PLEKHA5: variants seen among roughly 807,000 people sequenced by gnomAD.
PLEKHA5 encodes the protein pleckstrin homology domain containing A5.
PLEKHA5 carries 55 observed loss-of-function variants against 181.9 expected under a neutral mutation model. That is an observed-to-expected ratio of 0.30 (90% CI 0.24 to 0.38). PLEKHA5 has a LOEUF of 0.38. Among genes scored for constraint, PLEKHA5 ranks in the 10% least tolerant of loss-of-function variants. The pLI is 1.00. For missense variants in PLEKHA5, 1,432 were observed against 1,549.5 expected, an observed-to-expected ratio of 0.92 and a Z score of 1.27; for synonymous variants, 535 against 529.4, an observed-to-expected ratio of 1.01 and a Z score of -0.15.
chr12:19,265,498 C>T (rs538014005), intron 7 of PLEKHA5, among the ~76,000 whole-genome samples: 14 of 152,204 alleles, frequency 9.2e-5, no homozygotes, highest in Middle Eastern at 3.4e-3. Flanking sequence ...TGGGTTAATG[C>T]CATTACTTAT....
chr12:19,255,366 A>G lies in PLEKHA5; in HGVS notation c.432+201A>G, dbSNP rs569107497. Among the ~76,000 whole-genome samples, 9 of 152,256 alleles carry G rather than the reference A, an allele frequency of 5.9e-5. No homozygotes were observed. The South Asian group carries it at 1.9e-3, about 32-fold the overall frequency. On this transcript the variant is annotated intron_variant, in intron 5 of 31. Transcript: ENST00000429027. ...AGTGACTTAAATTTTTAAATTTGGA[A>G]TAATTTTAGAAATACATTGATATTT...
intron 20 of PLEKHA5, among the ~76,000 whole-genome samples, chr12:19,323,531 A>G (rs893335162): frequency 6.6e-6 from 1 of 151,798 alleles, no homozygotes; most frequent in South Asian, 2.1e-4. Flanking sequence ...AAATATAAAT[A>G]GCAAGGCTGG....
intron 30 of PLEKHA5, 145 bp from the exon 31 acceptor site, chr12:19,369,548 G>GT (rs1555174995): frequency 1.8e-4 from 46 of 256,368 alleles, no homozygotes; most frequent in South Asian, 1.1e-3. Flanking sequence ...TATTTAAAAA[G>GT]AAAAAATCAC....
intron 3 of PLEKHA5, among the ~76,000 whole-genome samples, chr12:19,188,800 TTGTC>T (rs1403940571): frequency 6.6e-6 from 1 of 152,236 alleles, no homozygotes; most frequent in African/African-American, 2.4e-5. Flanking sequence ...TACCTTGTCA[TTGTC>T]TGTTTGCATT....
intron 11 of PLEKHA5, 32 bp downstream of exon 11, chr12:19,275,015 G>C (rs2074093000): frequency 6.9e-7 from 1 of 1,452,948 alleles, no homozygotes; most frequent in African/African-American, 1.4e-5. Flanking sequence ...ATGAACCCAG[G>C]TTTCTTTGAT....
At chr12:19,353,186 C>T (rs921998664) in intron 25 of PLEKHA5, among the ~76,000 whole-genome samples, 1 of 151,824 alleles carries the variant, frequency 6.6e-6, no homozygotes, top group Non-Finnish European at 1.5e-5. Context: ...ACAGAGTCTT[C>T]TCTGTCACCC....
intron 3 of PLEKHA5, among the ~76,000 whole-genome samples, chr12:19,248,485 C>T (rs150551178): frequency 9.7e-4 from 147 of 152,080 alleles, no homozygotes; most frequent in African/African-American, 3.4e-3. Flanking sequence ...GGCTTAATAC[C>T]ATATTTTTTA....
chr12:19,310,569 C>G (rs1338036163), intron 15 of PLEKHA5, among the ~76,000 whole-genome samples: 1 of 138,756 alleles, frequency 7.2e-6, no homozygotes. Context: ...AAAATGGTGC[C>G]ATTGCACTCC....
At chr12:19,292,642 G>A (rs898414433) in intron 15 of PLEKHA5, among the ~76,000 whole-genome samples, 1 of 151,500 alleles carries the variant, frequency 6.6e-6, no homozygotes, top group Non-Finnish European at 1.5e-5. Context: ...ATGTTCAAAA[G>A]TGAAAATGGC....
chr12:19,325,295 G>A (rs1055073380), intron 20 of PLEKHA5, among the ~76,000 whole-genome samples: 8 of 152,256 alleles, frequency 5.3e-5, no homozygotes, highest in Admixed American at 1.3e-4. Context: ...GGAGACTGAG[G>A]TGGGAGGATC....
intron 2 of PLEKHA5, 149 bp from the exon 3 acceptor site, chr12:19,132,244 T>G: frequency 1.7e-6 from 1 of 590,626 alleles, no homozygotes; most frequent in Non-Finnish European, 2.9e-6. Context: ...CAAAAAATGA[T>G]ATCTGTTGTA....
intron 3 of PLEKHA5, among the ~76,000 whole-genome samples, chr12:19,166,057 G>T (rs117229914): frequency 0.012 from 1,766 of 150,454 alleles, 18 homozygotes; most frequent in Middle Eastern, 0.051. Flanking sequence ...AACTGCCCAA[G>T]GTCAGACAGG....
intron 10 of PLEKHA5, among the ~76,000 whole-genome samples, chr12:19,271,750 G>C (rs2072869876): frequency 6.6e-6 from 1 of 152,034 alleles, no homozygotes; most frequent in Non-Finnish European, 1.5e-5. Context: ...CTTGGCTTTT[G>C]GCAACCTGAT....
rs114125173 is a variant in PLEKHA5, at chr12:19,189,336, G to A, written c.227+56886G>A. 1.9e-3 allele frequency among the ~76,000 whole-genome samples: 283 copies of A among 152,238 alleles called. 1 individual carries two copies. Among genetic ancestry groups the A allele is most frequent in the African/African-American group, 6.5e-3 (271 of 41,528 alleles). On this transcript the variant is annotated intron_variant, in intron 3 of 31. Coordinates refer to ENST00000429027, the MANE Select transcript of PLEKHA5 (RefSeq NM_001256470.2). ...TGCGTTTGTCTAAATGAAGAAAGAT[G>A]GTAAATAGATGAAGAAAGTGTCAGC...
chr12:19,298,230 A>T (rs949589827), intron 15 of PLEKHA5, among the ~76,000 whole-genome samples: 7 of 152,032 alleles, frequency 4.6e-5, no homozygotes, highest in Non-Finnish European at 1.0e-4. Flanking sequence ...AGGGACAGAG[A>T]TAAAACTGAG....
intron 3 of PLEKHA5, among the ~76,000 whole-genome samples, chr12:19,211,143 G>A (rs1399733038): frequency 1.3e-5 from 2 of 151,998 alleles, no homozygotes; most frequent in African/African-American, 4.8e-5. Context: ...ATATACCAAA[G>A]ATATGAATAA....
At chr12:19,341,613 CT>C (rs1175178345) in intron 21 of PLEKHA5, among the ~76,000 whole-genome samples, 2 of 151,842 alleles carry the variant, frequency 1.3e-5, no homozygotes, top group African/African-American at 4.8e-5. Context: ...TATGTAGTGC[CT>C]TTTTGGAGCA....
At chr12:19,354,140 A>ATACTTTTT (rs2094768698) in intron 26 of PLEKHA5, 138 bp downstream of exon 26, 1 of 69,746 alleles carries the variant, frequency 1.4e-5, no homozygotes, top group Admixed American at 2.3e-4. Context: ...GTTATTCTTT[A>ATACTTTTT]TTCTTTTTTT....
chr12:19,348,478 A>T lies in PLEKHA5; in HGVS notation c.2978A>T (p.Lys993Ile). 6.3e-7 allele frequency: 1 copy of T among 1,585,192 alleles called. No homozygotes were observed. The highest frequency in any genetic ancestry group is 8.5e-7 in the Non-Finnish European group (1 of 1,169,656). The change falls in exon 25 of 32, where the codon AAA (lysine) becomes ATA (isoleucine). Residue 993 changes from lysine to isoleucine, a missense_variant. By Grantham distance (102) the Lys-to-Ile change is moderately radical. Around this residue, in one of 2 missense-constraint regions of PLEKHA5, gnomAD observed 1,143 missense variants for 1,168.4 expected, o/e 0.98. Transcript: ENST00000429027. ...AEVDESNGEE[K>I]SEPVSEIETS... Reference sequence around the variant, plus strand: ...GTTGATGAATCTAATGGAGAAGAAAAATCAGAACCTGTTTCAGAGATAGAA... The same window carrying T: ...GTTGATGAATCTAATGGAGAAGAAATATCAGAACCTGTTTCAGAGATAGAA...
Sources: gnomAD v4.1 joint callset for allele counts (sites outside exome capture counted in the v4.1 genomes callset) on GRCh38, gnomAD v4.1.1 for gene constraint, gnomAD v4.1.1 regional missense constraint, MANE v1.5 for transcripts, NCBI Gene and HGNC (gene_info 2026-07-23, HGNC 2026-07-21) for gene names.